Variants in FCN1 observed in about 807,000 individuals in gnomAD.
FCN1 encodes the protein ficolin-1.
FCN1 carries 42 observed loss-of-function variants against 35.6 expected under a neutral mutation model. That is an observed-to-expected ratio of 1.18 (90% CI 0.92 to 1.53). FCN1 has a LOEUF of 1.53. FCN1 is among the 40% of genes most tolerant of loss of function. The pLI, the probability that FCN1 is intolerant of heterozygous loss-of-function variation, is 0.00. For synonymous variants in FCN1, 179 were observed against 169.8 expected (o/e 1.05, Z -0.42); for missense variants, 439 against 428.4 (o/e 1.02, Z -0.22).
At position 134,909,742 on chromosome 9, in the gene FCN1, C is replaced by T. The variant is rs570055941; in HGVS notation, c.*56G>A. Reference sequence around the variant, plus strand: ...AAATGGGGTGACTTCCACGACGCAGCGCTTGTGGGTGTGGCCTCCCCACTA... The same window carrying T: ...AAATGGGGTGACTTCCACGACGCAGTGCTTGTGGGTGTGGCCTCCCCACTA... On this transcript the variant is annotated 3_prime_UTR_variant, in exon 9 of 9. Transcript: ENST00000371806. 2.7e-5 allele frequency: 44 copies of T among 1,603,694 alleles called. No homozygotes were observed. Among genetic ancestry groups the T allele is most frequent in the Middle Eastern group, 1.7e-4 (1 of 6,060 alleles).
At position 134,914,478 on chromosome 9, in the gene FCN1, G is replaced by A. The variant is rs1437022622; in HGVS notation, c.272-58C>T. On this transcript the variant is annotated intron_variant, in intron 3 of 8. Coordinates refer to ENST00000371806, the MANE Select transcript of FCN1 (RefSeq NM_002003.5). The stretch of plus-strand genomic sequence containing the variant: ...CCCCAGATGTGTGGGCCACGGAAAG[G>A]CTGGTCCAGAGTGGGCTCCCGGCCT... 3 of 1,479,416 alleles carry A rather than the reference G, an allele frequency of 2.0e-6. No homozygotes were observed. The East Asian group carries it at 6.9e-5, about 34-fold the overall frequency. The allele number at this position is 1,479,416 out of a possible 1,614,324, so 91.6% of individuals were successfully genotyped here.
In FCN1 at chr9:134,907,199, C is replaced by T. The variant is rs1830965819; in HGVS notation, c.*2599G>A. 1 of 152,152 alleles carries T rather than the reference C, an allele frequency of 6.6e-6. No individual in the cohort carries two copies. The highest frequency in any genetic ancestry group is 1.5e-5 in the Non-Finnish European group (1 of 68,044). The allele number at this position is 152,152 out of a possible 1,614,324, so 9.4% of individuals were successfully genotyped here. A position where few individuals can be genotyped will look rare whatever the true frequency, so the allele number is the denominator to read the frequency against. On this transcript the variant is annotated 3_prime_UTR_variant, in exon 9 of 9. Transcript: ENST00000371806. ...TCTTCCTAGGTTGTAAAAATGCTTA[C>T]CTACTGAGGGACGAAAGTACTATCC...
intron 5 of FCN1, 122 bp from the exon 6 acceptor site, chr9:134,913,265 C>A (rs1419103518): frequency 1.5e-6 from 2 of 1,356,582 alleles, no homozygotes; most frequent in East Asian, 4.9e-5. Context: ...GAGCAGGACT[C>A]CGAGGCCTGG....
rs1349208319 is a variant in FCN1 at position 134,903,333 on chromosome 9, C to T, written c.*6465G>A. ...ATATTCTTTTCAAGTTCAAATTGAA[C>T]TTTCACCAACATAGACCATATTCTG... On this transcript the variant is annotated 3_prime_UTR_variant, in exon 9 of 9. Transcript: ENST00000371806. Among the ~76,000 whole-genome samples the T allele has an allele frequency of 2.0e-5, 3 of 152,106 alleles. No individual in the cohort carries two copies. Among genetic ancestry groups the T allele is most frequent in the African/African-American group, 7.2e-5 (3 of 41,416 alleles).
rs1412510506 is a variant in FCN1, at chr9:134,907,146, A to G, written c.*2652T>C. ...AATCATATTTATATTTTATATTTAT[A>G]CTAATCATTTCTAGACTTAAAGCTA... is the stretch of plus-strand genomic sequence containing the variant. On this transcript the variant is annotated 3_prime_UTR_variant, in exon 9 of 9. Coordinates refer to ENST00000371806, the MANE Select transcript of FCN1 (RefSeq NM_002003.5). 1 of 152,194 alleles carries G rather than the reference A, an allele frequency of 6.6e-6. No homozygotes were observed. Among genetic ancestry groups the G allele is most frequent in the African/African-American group, 2.4e-5 (1 of 41,466 alleles). The allele number at this position is 152,194 out of a possible 1,614,324, so 9.4% of individuals were successfully genotyped here. A position where few individuals can be genotyped will look rare whatever the true frequency, so the allele number is the denominator to read the frequency against.
chr9:134,909,761 C>G lies in FCN1; in HGVS notation c.*37G>C. The G allele has an allele frequency of 3.7e-6, 6 of 1,608,734 alleles. No homozygotes were observed. Among genetic ancestry groups the G allele is most frequent in the Non-Finnish European group, 5.1e-6 (6 of 1,179,600 alleles). ...ACGCAGCGCTTGTGGGTGTGGCCTC[C>G]CCACTAGCAGGTGCATGTGGAGGGG... On this transcript the variant is annotated 3_prime_UTR_variant, in exon 9 of 9. Coordinates refer to ENST00000371806, the MANE Select transcript of FCN1 (RefSeq NM_002003.5).
In FCN1 at chr9:134,905,089, C is replaced by G. The variant is rs529952306; in HGVS notation, c.*4709G>C. 2.0e-5 allele frequency among the ~76,000 whole-genome samples: 3 copies of G among 151,726 alleles called. No homozygotes were observed. The highest frequency in any genetic ancestry group is 4.4e-5 in the Non-Finnish European group (3 of 67,976). On this transcript the variant is annotated 3_prime_UTR_variant, in exon 9 of 9. Transcript: ENST00000371806. ...GTAGAAGGAATAATTTATAGTATAC[C>G]GTAAAAAATCAAGGCTATATATTGC...
At position 134,914,810 on chromosome 9, in the gene FCN1, C is replaced by T. The variant is rs767785583; in HGVS notation, c.218-1G>A. The T allele has an allele frequency of 6.8e-6, 11 of 1,611,156 alleles. No homozygotes were observed. The South Asian group carries it at 1.1e-4, about 16-fold the overall frequency. ...GGGGCTCCAGGGAGACCGCGTTCTCCTGAAAATTCCAAAGACATATCACTG... is the reference window on the plus strand; with the variant it reads ...GGGGCTCCAGGGAGACCGCGTTCTCTTGAAAATTCCAAAGACATATCACTG... On this transcript the variant is annotated splice_acceptor_variant, in intron 2 of 8. Coordinates refer to ENST00000371806, the MANE Select transcript of FCN1 (RefSeq NM_002003.5). LOFTEE classifies it high-confidence loss of function.
intron 2 of FCN1, among the ~76,000 whole-genome samples, chr9:134,915,040 G>A (rs540196126): frequency 6.6e-6 from 1 of 152,264 alleles, no homozygotes; most frequent in East Asian, 1.9e-4. Flanking sequence ...AAGGCAAGGT[G>A]CACCTTGCTC....
At position 134,907,600 on chromosome 9, in the gene FCN1, A is replaced by G. The variant is rs1018687327; in HGVS notation, c.*2198T>C. ...TGTGGTCCCACCCTCAAATACAATC[A>G]CTTTCTTATTTTTCCTGTATACATT... On this transcript the variant is annotated 3_prime_UTR_variant, in exon 9 of 9. Coordinates refer to ENST00000371806, the MANE Select transcript of FCN1 (RefSeq NM_002003.5). 2.6e-4 allele frequency: 40 copies of G among 152,108 alleles called. No homozygotes were observed. The highest frequency in any genetic ancestry group is 8.7e-4 in the African/African-American group (36 of 41,484). 9.4% of individuals were successfully genotyped at this position (152,108 alleles called of 1,614,324 possible).
rs756277357 is a variant in FCN1 at position 134,914,824 on chromosome 9, G to A, written c.218-15C>T. The stretch of plus-strand genomic sequence containing the variant: ...ACCGCGTTCTCCTGAAAATTCCAAA[G>A]ACATATCACTGAGAAAAATGCAACC... On this transcript the variant is annotated splice_polypyrimidine_tract_variant and intron_variant, in intron 2 of 8. Coordinates refer to ENST00000371806, the MANE Select transcript of FCN1 (RefSeq NM_002003.5). 3 of 1,607,434 alleles carry A rather than the reference G, an allele frequency of 1.9e-6. No individual in the cohort carries two copies. Among genetic ancestry groups the A allele is most frequent in the Non-Finnish European group, 2.6e-6 (3 of 1,175,108 alleles).
chr9:134,905,857 C>CCTCTTT lies in FCN1; in HGVS notation c.*3940_*3941insAAAGAG. ...TCCTCTTCCTCTTCCTCTTCCTCTT[C>CCTCTTT]CTCTTCCTCTTCTTCTTCTTCTTCT... On this transcript the variant is annotated 3_prime_UTR_variant, in exon 9 of 9. Transcript: ENST00000371806. 1 of 51,288 alleles carries CCTCTTT rather than the reference C, an allele frequency of 1.9e-5. No individual in the cohort carries two copies. The highest frequency in any genetic ancestry group is 3.3e-5 in the Non-Finnish European group (1 of 30,162). The allele number at this position is 51,288 out of a possible 1,614,324, so 3.2% of individuals were successfully genotyped here. A position where few individuals can be genotyped will look rare whatever the true frequency, so the allele number is the denominator to read the frequency against.
At chr9:134,914,859 C>A in intron 2 of FCN1, 50 bp from the exon 3 acceptor site, 1 of 1,466,038 alleles carries the variant, frequency 6.8e-7, no homozygotes, top group Non-Finnish European at 9.5e-7. Flanking sequence ...CTAAACAATT[C>A]TCCCTGGAAA....
rs1037204203 is a variant in FCN1 at position 134,908,349 on chromosome 9, A to G, written c.*1449T>C. ...AAGCCTGTGATTTATTTATTTTTGT[A>G]TAAGGCATGGTAGGCAGAATAATTC... On this transcript the variant is annotated 3_prime_UTR_variant, in exon 9 of 9. Transcript: ENST00000371806. 1.3e-5 allele frequency: 2 copies of G among 152,102 alleles called. No individual in the cohort carries two copies. Among genetic ancestry groups the G allele is most frequent in the Non-Finnish European group, 2.9e-5 (2 of 68,016 alleles). 9.4% of individuals were successfully genotyped at this position (152,102 alleles called of 1,614,324 possible).
Position 134,909,977 on chromosome 9 carries a change from A to G in FCN1, c.802T>C (p.Ser268Pro), listed in dbSNP as rs150625869. 1.8e-3 allele frequency: 2,956 copies of G among 1,614,110 alleles called. 7 individuals are homozygous for G. The highest frequency in any genetic ancestry group is 4.8e-3 in the Middle Eastern group (29 of 6,062). The change falls in exon 9 of 9, where the codon TCG becomes CCG. Residue 268 changes from serine (S) to proline (P), a missense_variant. Transcript: ENST00000371806. The stretch of plus-strand genomic sequence containing the variant: ...CCTTGGAACTTCTCAGCACAATTCG[A>G]AGAACTCACATCATTGTCTTGGTCT... ...TKDQDNDVSS[S>P]NCAEKFQGAW...
rs1831003357 is a variant in FCN1 at position 134,910,025 on chromosome 9, T to C, written c.754A>G (p.Asn252Asp). The C allele has an allele frequency of 6.2e-7, 1 of 1,614,010 alleles. No homozygotes were observed. The highest frequency in any genetic ancestry group is 8.5e-7 in the Non-Finnish European group (1 of 1,180,014). The change falls in exon 9 of 9, where the codon AAC becomes GAC. Residue 252 changes from asparagine to aspartate, a missense_variant. Asn to Asp is a conservative substitution (Grantham distance 23, BLOSUM62 1). Coordinates refer to ENST00000371806, the MANE Select transcript of FCN1 (RefSeq NM_002003.5). ...TCTTTGGTGGAGAAGAAGTTGTTGT[T>C]GTGGCCCGTTAGAGAATTACCTGCT... is the stretch of plus-strand genomic sequence containing the variant. ...GSAGNSLTGH[N>D]NNFFSTKDQD... is the part of the protein sequence containing the mutation.
rs1408381800 is a variant in FCN1, at chr9:134,915,628, C to A, written c.217+720G>T. On this transcript the variant is annotated intron_variant, in intron 2 of 8. Coordinates refer to ENST00000371806, the MANE Select transcript of FCN1 (RefSeq NM_002003.5). ...AAGCCTAGACACGTCAGTGAAAGTC[C>A]AAGTCATAGGGACATTTGAGCTTGT... is the stretch of plus-strand genomic sequence containing the variant. Among the ~76,000 whole-genome samples, 4 of 152,308 alleles carry A rather than the reference C, an allele frequency of 2.6e-5. No homozygotes were observed. In the East Asian group the frequency reaches 7.7e-4, roughly 29 times the overall value.
intron 1 of FCN1, among the ~76,000 whole-genome samples, chr9:134,916,810 G>T (rs1831098177): frequency 6.6e-6 from 1 of 152,226 alleles, no homozygotes. Context: ...TAAACAGCGG[G>T]CACTTTCAAT....
chr9:134,911,185 G>A lies in FCN1; in HGVS notation c.681C>T (p.Asp227=), dbSNP rs145090957. The A allele has an allele frequency of 2.9e-5, 47 of 1,613,960 alleles. 1 individual carries two copies. The highest frequency in any genetic ancestry group is 4.4e-5 in the South Asian group (4 of 91,086). Residue 227 remains aspartate (D), a synonymous_variant, in exon 8 of 9, where the codon GAC becomes GAT. Coordinates refer to ENST00000371806, the MANE Select transcript of FCN1 (RefSeq NM_002003.5). ...GTACCAGCTTGTACTTCTCTGCCTC[G>A]TCAGCCACCTTGAATGATTTGTACT... ...FAKYKSFKVA[D]EAEKYKLVLG...
Sources: allele counts gnomAD v4.1 joint callset (sites outside exome capture counted in the v4.1 genomes callset), GRCh38; gene constraint gnomAD v4.1.1; transcripts MANE v1.5; gene names NCBI Gene and HGNC (gene_info 2026-07-23, HGNC 2026-07-21).